PCMT1: variants seen among roughly 807,000 people sequenced by gnomAD.
PCMT1 encodes the protein protein-L-isoaspartate(D-aspartate) O-methyltransferase.
In PCMT1, 9 loss-of-function variants were observed where a neutral mutation model predicts 29.2. The ratio of observed to expected loss-of-function variants is 0.31; its 90% CI spans 0.19 to 0.54. The LOEUF (loss-of-function observed/expected upper bound fraction) is 0.54. Ranked by LOEUF, PCMT1 falls within the 20% of genes least tolerant of loss-of-function variation. PCMT1 has a pLI of 0.95. For synonymous variants in PCMT1, 98 were observed against 97.5 expected (o/e 1.00, Z -0.03); for missense variants, 184 against 282.2 (o/e 0.65, Z 2.49).
At chr6:149,775,496 A>G (rs1417252943) in intron 3 of PCMT1, among the ~76,000 whole-genome samples, 1 of 152,040 alleles carries the variant, frequency 6.6e-6, no homozygotes, top group Non-Finnish European at 1.5e-5. Context: ...GCTAGAAGCC[A>G]GGAGTTTGAG....
chr6:149,750,261 C>T, intron 1 of PCMT1: 1 of 384,416 alleles, frequency 2.6e-6, no homozygotes, highest in Non-Finnish European at 4.7e-6. Flanking sequence ...GCTGCTGTCA[C>T]TCAGGTCCGC....
intron 6 of PCMT1, chr6:149,796,776 C>T (rs972141458): frequency 3.4e-6 from 1 of 294,526 alleles, no homozygotes; most frequent in African/African-American, 2.2e-5. Context: ...AGTTTATGAC[C>T]TGATAATCAG....
intron 2 of PCMT1, 144 bp downstream of exon 2, chr6:149,771,410 A>G (rs1401908902): frequency 2.0e-6 from 1 of 501,862 alleles, no homozygotes; most frequent in Non-Finnish European, 3.5e-6. Flanking sequence ...TCATAATCCC[A>G]AACATACCTA....
chr6:149,767,000 G>A (rs183028601), intron 1 of PCMT1, among the ~76,000 whole-genome samples: 4 of 152,196 alleles, frequency 2.6e-5, no homozygotes, highest in Admixed American at 2.6e-4. Flanking sequence ...CACGAGGTCA[G>A]GAGTTCAAGA....
intron 6 of PCMT1, chr6:149,796,751 G>A: frequency 2.9e-6 from 1 of 348,260 alleles, no homozygotes; most frequent in Non-Finnish European, 5.1e-6. Flanking sequence ...AGTAGAATTG[G>A]GAAAATCCCT....
intron 3 of PCMT1, among the ~76,000 whole-genome samples, chr6:149,780,888 T>C (rs1186436427): frequency 6.6e-6 from 1 of 152,230 alleles, no homozygotes; most frequent in Non-Finnish European, 1.5e-5. Context: ...AGATCATATA[T>C]GAAAACTCTA....
intron 1 of PCMT1, among the ~76,000 whole-genome samples, chr6:149,758,708 C>G (rs1786618575): frequency 6.6e-6 from 1 of 152,018 alleles, no homozygotes; most frequent in African/African-American, 2.4e-5. Context: ...CATCTAAATA[C>G]TATGTATCAA....
At chr6:149,769,195 A>C (rs377596682) in intron 1 of PCMT1, among the ~76,000 whole-genome samples, 1 of 151,678 alleles carries the variant, frequency 6.6e-6, no homozygotes, top group Admixed American at 6.6e-5. Flanking sequence ...TTTTGTGGAC[A>C]GAGTTCATTG....
At chr6:149,754,329 T>C (rs996312166) in intron 1 of PCMT1, among the ~76,000 whole-genome samples, 1 of 152,220 alleles carries the variant, frequency 6.6e-6, no homozygotes, top group Non-Finnish European at 1.5e-5. Flanking sequence ...GGACTGGTAA[T>C]GTGCTCGTGA....
intron 7 of PCMT1, 143 bp downstream of exon 7, chr6:149,802,559 C>T (rs1031128124): frequency 9.3e-6 from 11 of 1,184,658 alleles, no homozygotes; most frequent in Admixed American, 4.1e-5. Context: ...TTTGGTTTAA[C>T]ATATATATCT....
intron 1 of PCMT1, among the ~76,000 whole-genome samples, chr6:149,756,925 T>G (rs977474097): frequency 6.6e-6 from 1 of 151,774 alleles, no homozygotes; most frequent in African/African-American, 2.4e-5. Context: ...GAGGCCGAGG[T>G]GGGTGGATCA....
At chr6:149,763,885 G>C (rs1006875554) in intron 1 of PCMT1, among the ~76,000 whole-genome samples, 2 of 152,180 alleles carry the variant, frequency 1.3e-5, no homozygotes, top group African/African-American at 4.8e-5. Context: ...TGTGGCTTCA[G>C]AGAATAACAC....
At chr6:149,792,905 G>C (rs1788430907) in intron 4 of PCMT1, among the ~76,000 whole-genome samples, 1 of 152,106 alleles carries the variant, frequency 6.6e-6, no homozygotes. Context: ...GCTCAGTCCT[G>C]TAATCCCAGC....
chr6:149,764,281 ACTAGTCTTTCTAAC>A (rs1444573210), intron 1 of PCMT1, among the ~76,000 whole-genome samples: 4 of 152,202 alleles, frequency 2.6e-5, no homozygotes, highest in African/African-American at 7.2e-5. Context: ...GGACTACTTA[ACTAGTCTTTCTAAC>A]CTCAATGTTA....
intron 2 of PCMT1, among the ~76,000 whole-genome samples, chr6:149,772,840 A>T (rs1787390840): frequency 6.6e-6 from 1 of 150,598 alleles, no homozygotes. Flanking sequence ...ACGCGGTGAA[A>T]CCCCGTCTCT....
At chr6:149,773,654 C>T (rs1161381928) in intron 3 of PCMT1, among the ~76,000 whole-genome samples, 3 of 152,200 alleles carry the variant, frequency 2.0e-5, no homozygotes, top group African/African-American at 7.2e-5. Context: ...GCTGGGATTA[C>T]AGGCGTGAGC....
chr6:149,765,908 G>A (rs372841215), intron 1 of PCMT1, among the ~76,000 whole-genome samples: 23 of 151,698 alleles, frequency 1.5e-4, no homozygotes, highest in Non-Finnish European at 2.2e-4. Context: ...GGAGGTTGCC[G>A]TGAGTGGAGA....
Position 149,749,758 on chromosome 6 carries a change from G to C in PCMT1, c.-144G>C, listed in dbSNP as rs759846939. The C allele has an allele frequency of 8.4e-6, 13 of 1,546,906 alleles. No individual in the cohort carries two copies. Among genetic ancestry groups the C allele is most frequent in the South Asian group, 2.4e-5 (2 of 83,908 alleles). On this transcript the variant is annotated 5_prime_UTR_variant, in exon 1 of 8. Coordinates refer to ENST00000464889, the MANE Select transcript of PCMT1 (RefSeq NM_001360452.2). The stretch of plus-strand genomic sequence containing the variant: ...GGGAGCGCGCAGTGGCGGCAGCGGC[G>C]GCGACGGCAGTAACAGCGGCAGCTA...
At chr6:149,803,001 C>T (rs543746099) in intron 7 of PCMT1, among the ~76,000 whole-genome samples, 3 of 127,772 alleles carry the variant, frequency 2.3e-5, no homozygotes, top group South Asian at 2.4e-4. Flanking sequence ...TGCAGTGGGC[C>T]GAGATTTTGA....
Sources: gnomAD v4.1 joint callset for allele counts (sites outside exome capture counted in the v4.1 genomes callset) on GRCh38, gnomAD v4.1.1 for gene constraint, MANE v1.5 for transcripts, NCBI Gene and HGNC (gene_info 2026-07-23, HGNC 2026-07-21) for gene names.